Variants in TNPO1 observed in about 807,000 individuals in gnomAD.
TNPO1 encodes transportin 1.
TNPO1 carries 8 observed loss-of-function variants against 119.5 expected under a neutral mutation model. The ratio of observed to expected loss-of-function variants is 0.07; its 90% confidence interval spans 0.04 to 0.12. The LOEUF is 0.12. Ranked by LOEUF, TNPO1 falls within the 10% of genes least tolerant of loss-of-function variation. TNPO1 has a pLI of 1.00. For missense variants in TNPO1, 576 were observed against 1,089.8 expected (o/e 0.53, Z 6.64); for synonymous variants, 362 against 363.0 (o/e 1.00, Z 0.03).
intron 1 of TNPO1, among the ~76,000 whole-genome samples, chr5:72,832,801 T>C (rs1461227840): frequency 6.6e-6 from 1 of 152,104 alleles, no homozygotes; most frequent in Non-Finnish European, 1.5e-5. Context: ...TAGAAGTAGA[T>C]GGGGAATGAA....
At chr5:72,886,087 T>G (rs144318784) in intron 11 of TNPO1, among the ~76,000 whole-genome samples, 1 of 151,672 alleles carries the variant, frequency 6.6e-6, no homozygotes, top group Non-Finnish European at 1.5e-5. Context: ...CCATCTTCGT[T>G]GCTTTAGGGA....
chr5:72,891,281 A>G (rs773907621), intron 14 of TNPO1, among the ~76,000 whole-genome samples: 1 of 152,112 alleles, frequency 6.6e-6, no homozygotes, highest in Non-Finnish European at 1.5e-5. Flanking sequence ...CCTGGCTAAC[A>G]CGGTGAAACC....
chr5:72,823,962 C>T (rs965563304), intron 1 of TNPO1, among the ~76,000 whole-genome samples: 1 of 152,214 alleles, frequency 6.6e-6, no homozygotes, highest in Non-Finnish European at 1.5e-5. Flanking sequence ...TCACCTTCAG[C>T]TCATGACCTT....
Position 72,893,721 on chromosome 5 carries a change from T to C in TNPO1, c.2143+18T>C. 1 of 1,603,666 alleles carries C rather than the reference T, an allele frequency of 6.2e-7. No individual in the cohort carries two copies. The highest frequency in any genetic ancestry group is 1.8e-4 in the Middle Eastern group (1 of 5,656). On this transcript the variant is annotated intron_variant, in intron 18 of 24. Transcript: ENST00000337273. The stretch of plus-strand genomic sequence containing the variant: ...TTGTATAGGTATGAATATTTTCTAC[T>C]GCTATGAATATGGTTTTTTAAAGTT...
At chr5:72,897,760 C>G (rs1749538863) in intron 20 of TNPO1, among the ~76,000 whole-genome samples, 1 of 151,794 alleles carries the variant, frequency 6.6e-6, no homozygotes, top group South Asian at 2.1e-4. Flanking sequence ...TCTACCCTCC[C>G]TGATTGCTGC....
chr5:72,860,001 T>G (rs1024180563), intron 4 of TNPO1, among the ~76,000 whole-genome samples: 4 of 152,214 alleles, frequency 2.6e-5, no homozygotes, highest in African/African-American at 9.7e-5. Flanking sequence ...GGAAGGCTAT[T>G]TTATTGTAAG....
chr5:72,877,397 ATTC>A (rs1747876029), intron 9 of TNPO1, 51 bp downstream of exon 9: 2 of 848,428 alleles, frequency 2.4e-6, no homozygotes, highest in Non-Finnish European at 3.6e-6. Context: ...TTCTTAAGTG[ATTC>A]TTCATTTTCA....
At chr5:72,892,619 A>G (rs1749146113) in intron 15 of TNPO1, among the ~76,000 whole-genome samples, 1 of 152,186 alleles carries the variant, frequency 6.6e-6, no homozygotes, top group Non-Finnish European at 1.5e-5. Flanking sequence ...AGCGATGCTC[A>G]AGTCCCTTAT....
At chr5:72,832,019 T>G (rs1220817964) in intron 1 of TNPO1, among the ~76,000 whole-genome samples, 1 of 152,108 alleles carries the variant, frequency 6.6e-6, no homozygotes, top group Non-Finnish European at 1.5e-5. Context: ...ATATATTTAC[T>G]ATTGATACTA....
chr5:72,888,342 G>A (rs1185513968), intron 13 of TNPO1, 39 bp downstream of exon 13: 2 of 1,569,254 alleles, frequency 1.3e-6, no homozygotes, highest in East Asian at 2.2e-5. Flanking sequence ...TTGTGGCAGT[G>A]AAAAACTTAA....
At chr5:72,856,603 T>C (rs1433117026) in intron 4 of TNPO1, among the ~76,000 whole-genome samples, 1 of 152,208 alleles carries the variant, frequency 6.6e-6, no homozygotes, top group Non-Finnish European at 1.5e-5. Context: ...AGAAATACTT[T>C]TTAATTGCTT....
chr5:72,888,782 A>C (rs1748842743), intron 13 of TNPO1, among the ~76,000 whole-genome samples: 1 of 152,216 alleles, frequency 6.6e-6, no homozygotes, highest in Non-Finnish European at 1.5e-5. Context: ...AAAGTCCCAC[A>C]GGGACCTGTG....
intron 8 of TNPO1, 107 bp from the exon 9 acceptor site, chr5:72,877,121 C>T: frequency 2.0e-6 from 1 of 501,826 alleles, no homozygotes; most frequent in Non-Finnish European, 3.4e-6. Flanking sequence ...AAAAAAATTG[C>T]CTAGGTTGAA....
At chr5:72,888,600 G>A (rs900831193) in intron 13 of TNPO1, among the ~76,000 whole-genome samples, 2 of 152,154 alleles carry the variant, frequency 1.3e-5, no homozygotes, top group Admixed American at 6.5e-5. Context: ...GATCTTAGCT[G>A]TTTCTTCTTT....
rs1001252607 is a variant in TNPO1, at chr5:72,913,694, A to G, written c.*5021A>G. The G allele has an allele frequency of 3.3e-5, 5 of 152,532 alleles. No homozygotes were observed. The highest frequency in any genetic ancestry group is 9.6e-5 in the African/African-American group (4 of 41,462). 9.4% of individuals were successfully genotyped at this position (152,532 alleles called of 1,614,324 possible). A position where few individuals can be genotyped will look rare whatever the true frequency, so the allele number is the denominator to read the frequency against. On this transcript the variant is annotated 3_prime_UTR_variant, in exon 25 of 25. Transcript: ENST00000337273. The stretch of plus-strand genomic sequence containing the variant: ...TATTACATCTTTTTAAAAGCCTATT[A>G]TAACATGGTTAGCCTATAAGGCAGT...
chr5:72,876,526 T>C (rs890053755), intron 8 of TNPO1, among the ~76,000 whole-genome samples: 1 of 152,256 alleles, frequency 6.6e-6, no homozygotes, highest in Non-Finnish European at 1.5e-5. Flanking sequence ...TTTCAGTATG[T>C]ATATGTCACT....
chr5:72,901,689 C>G (rs1391909407), intron 22 of TNPO1, among the ~76,000 whole-genome samples: 1 of 152,072 alleles, frequency 6.6e-6, no homozygotes, highest in Non-Finnish European at 1.5e-5. Context: ...TGAATTACAC[C>G]ATGTATATTC....
chr5:72,852,947 T>G (rs927238450), intron 3 of TNPO1, among the ~76,000 whole-genome samples: 5 of 152,268 alleles, frequency 3.3e-5, no homozygotes, highest in African/African-American at 1.2e-4. Flanking sequence ...TGTTTGTTTC[T>G]TATACTAAGA....
chr5:72,877,135 CA>C (rs1747854877), intron 8 of TNPO1, 92 bp from the exon 9 acceptor site: 1 of 592,750 alleles, frequency 1.7e-6, no homozygotes, highest in African/African-American at 2.0e-5. Context: ...GGTTGAAAAC[CA>C]TAAGGTCAAA....
Sources: gnomAD v4.1 joint callset for allele counts (sites outside exome capture counted in the v4.1 genomes callset) on GRCh38, gnomAD v4.1.1 for gene constraint, MANE v1.5 for transcripts, NCBI Gene and HGNC (gene_info 2026-07-23, HGNC 2026-07-21) for gene names.